Variants in MAPKAP1 observed in about 807,000 individuals in gnomAD.
MAPKAP1 encodes the protein target of rapamycin complex 2 subunit MAPKAP1.
A neutral mutation model predicts 65.7 loss-of-function variants in MAPKAP1; 20 were observed. That is an observed-to-expected ratio of 0.30 (90% CI 0.21 to 0.44). The LOEUF is 0.44. MAPKAP1 is among the 20% of genes least tolerant of loss of function. The pLI is 1.00. For missense variants in MAPKAP1, 423 were observed against 648.0 expected, an observed-to-expected ratio of 0.65 and a Z score of 3.77; for synonymous variants, 222 against 244.3, an observed-to-expected ratio of 0.91 and a Z score of 0.85.
chr9:125,630,160 C>T (rs527763391), intron 4 of MAPKAP1, among the ~76,000 whole-genome samples: 5 of 152,234 alleles, frequency 3.3e-5, no homozygotes, highest in South Asian at 2.1e-4. Flanking sequence ...AACTCTCGCT[C>T]GGTCACCCAG....
intron 9 of MAPKAP1, among the ~76,000 whole-genome samples, chr9:125,470,874 A>C (rs1325111920): frequency 6.6e-6 from 1 of 152,166 alleles, no homozygotes; most frequent in Non-Finnish European, 1.5e-5. Context: ...TTCTAGTTCC[A>C]GAGCTACTTT....
intron 4 of MAPKAP1, among the ~76,000 whole-genome samples, chr9:125,602,979 T>C (rs144692028): frequency 6.6e-6 from 1 of 152,126 alleles, no homozygotes; most frequent in Non-Finnish European, 1.5e-5. Flanking sequence ...ACTGCATACT[T>C]GACCTCCTAA....
chr9:125,459,300 G>A (rs1032468553), intron 10 of MAPKAP1, among the ~76,000 whole-genome samples: 7 of 150,374 alleles, frequency 4.7e-5, no homozygotes, highest in African/African-American at 1.2e-4. Flanking sequence ...ATCGGATGGC[G>A]GCCAGGCAGA....
chr9:125,456,501 A>C (rs1355384688), intron 10 of MAPKAP1, among the ~76,000 whole-genome samples: 1 of 152,178 alleles, frequency 6.6e-6, no homozygotes, highest in Non-Finnish European at 1.5e-5. Flanking sequence ...GCCCTTGTGT[A>C]ATGCCCTTGT....
At chr9:125,460,609 C>A (rs183769715) in intron 10 of MAPKAP1, among the ~76,000 whole-genome samples, 2 of 152,252 alleles carry the variant, frequency 1.3e-5, no homozygotes, top group Admixed American at 1.3e-4. Context: ...TCTTCTGACT[C>A]CGAAATTCAG....
chr9:125,678,013 A>C (rs558255790), intron 1 of MAPKAP1, among the ~76,000 whole-genome samples: 1 of 151,800 alleles, frequency 6.6e-6, no homozygotes, highest in South Asian at 2.1e-4. Context: ...AACTTCCCAG[A>C]CTCAGGTGAT....
intron 8 of MAPKAP1, among the ~76,000 whole-genome samples, chr9:125,486,414 G>C (rs1232977550): frequency 6.6e-6 from 1 of 152,176 alleles, no homozygotes; most frequent in Non-Finnish European, 1.5e-5. Context: ...CTCGTGTTGA[G>C]CACTCAGAGA....
intron 4 of MAPKAP1, among the ~76,000 whole-genome samples, chr9:125,638,914 G>A (rs970073119): frequency 1.2e-4 from 18 of 152,224 alleles, no homozygotes; most frequent in African/African-American, 4.1e-4. Context: ...AAATCTGGCT[G>A]AGAATTAACC....
At chr9:125,538,443 G>A (rs893840922) in intron 7 of MAPKAP1, among the ~76,000 whole-genome samples, 5 of 152,174 alleles carry the variant, frequency 3.3e-5, no homozygotes, top group Non-Finnish European at 7.4e-5. Context: ...AGCTGGATAT[G>A]TGGCTCAGGT....
intron 1 of MAPKAP1, among the ~76,000 whole-genome samples, chr9:125,674,274 G>A (rs1834581306): frequency 6.6e-6 from 1 of 151,874 alleles, no homozygotes; most frequent in African/African-American, 2.4e-5. Context: ...TAATAATAAT[G>A]ATAAAAAATC....
At chr9:125,556,350 T>C (rs1830733981) in intron 6 of MAPKAP1, among the ~76,000 whole-genome samples, 1 of 152,214 alleles carries the variant, frequency 6.6e-6, no homozygotes, top group African/African-American at 2.4e-5. Flanking sequence ...GACAGTGAGA[T>C]TCACAGGTTA....
chr9:125,699,265 G>C (rs551799208), intron 1 of MAPKAP1, among the ~76,000 whole-genome samples: 1 of 151,988 alleles, frequency 6.6e-6, no homozygotes, highest in South Asian at 2.1e-4. Flanking sequence ...CTGGAGTGCA[G>C]GAGCACAATC....
intron 11 of MAPKAP1, among the ~76,000 whole-genome samples, chr9:125,442,403 C>T (rs987885775): frequency 1.3e-5 from 2 of 152,166 alleles, no homozygotes; most frequent in African/African-American, 4.8e-5. Context: ...TGATCTTCCA[C>T]AGTCTCATAC....
chr9:125,459,176 G>A (rs1589210793), intron 10 of MAPKAP1, among the ~76,000 whole-genome samples: 1 of 149,016 alleles, frequency 6.7e-6, no homozygotes, highest in African/African-American at 2.5e-5. Context: ...CATCCCAGAC[G>A]GGGCGGCGGG....
intron 1 of MAPKAP1, among the ~76,000 whole-genome samples, chr9:125,705,461 G>A (rs1835728882): frequency 6.6e-6 from 1 of 152,048 alleles, no homozygotes; most frequent in African/African-American, 2.4e-5. Context: ...TTCCCCTCCC[G>A]CACCTACCAC....
chr9:125,527,788 T>C (rs1020062836), intron 7 of MAPKAP1, among the ~76,000 whole-genome samples: 2 of 152,164 alleles, frequency 1.3e-5, no homozygotes, highest in Non-Finnish European at 2.9e-5. Flanking sequence ...CCCCAAGGAC[T>C]CAGAAGAGAT....
chr9:125,442,536 T>TAA (rs11450537), intron 11 of MAPKAP1, among the ~76,000 whole-genome samples: 4,181 of 137,172 alleles, frequency 0.03, 167 homozygotes, highest in African/African-American at 0.087. Context: ...ATGCTGGCTA[T>TAA]AAAAAAAAAA....
At chr9:125,519,158 T>C (rs1275478547) in intron 7 of MAPKAP1, among the ~76,000 whole-genome samples, 1 of 152,124 alleles carries the variant, frequency 6.6e-6, no homozygotes, top group African/African-American at 2.4e-5. Context: ...GTAGGCTCAG[T>C]GGCTCTGGAG....
chr9:125,526,494 C>A (rs1360910126), intron 7 of MAPKAP1, among the ~76,000 whole-genome samples: 1 of 152,154 alleles, frequency 6.6e-6, no homozygotes, highest in East Asian at 1.9e-4. Flanking sequence ...GGCAGAATCA[C>A]AATACACTGA....
Sources: gnomAD v4.1 joint callset for allele counts (sites outside exome capture counted in the v4.1 genomes callset) on GRCh38, gnomAD v4.1.1 for gene constraint, MANE v1.5 for transcripts, NCBI Gene and HGNC (gene_info 2026-07-23, HGNC 2026-07-21) for gene names.